The following PLEKHA5 variants were observed in gnomAD, a reference collection of about 807,000 sequenced individuals.
PLEKHA5 encodes the protein pleckstrin homology domain containing A5.
Under a neutral mutation model 181.9 loss-of-function variants are expected in PLEKHA5, and 55 were observed. That is an observed-to-expected ratio of 0.30 (90% CI 0.24 to 0.38). The LOEUF is 0.38. Ranked by LOEUF, PLEKHA5 falls within the 10% of genes least tolerant of loss-of-function variation. The pLI, the probability that PLEKHA5 is intolerant of heterozygous loss-of-function variation, is 1.00. For synonymous variants in PLEKHA5, 535 were observed against 529.4 expected (o/e 1.01, Z -0.15); for missense variants, 1,432 against 1,549.5 (o/e 0.92, Z 1.27).
At chr12:19,153,168 C>A (rs961835641) in intron 3 of PLEKHA5, 1 of 152,070 alleles carries the variant, frequency 6.6e-6, no homozygotes, top group Admixed American at 6.5e-5. Flanking sequence ...AGAATGATAT[C>A]TGATGAAGAT....
At chr12:19,283,919 T>TA (rs1346180209) in intron 12 of PLEKHA5, among the ~76,000 whole-genome samples, 174 bp downstream of exon 12, 1 of 152,210 alleles carries the variant, frequency 6.6e-6, no homozygotes, top group East Asian at 1.9e-4. Context: ...ATCTCATGTA[T>TA]AAAAAATACC....
intron 3 of PLEKHA5, among the ~76,000 whole-genome samples, chr12:19,156,916 C>T (rs1278031627): frequency 1.4e-5 from 2 of 145,208 alleles, no homozygotes; most frequent in South Asian, 4.4e-4. Flanking sequence ...AAAAAATTAG[C>T]TGGGCATGGT....
chr12:19,206,067 C>A (rs991981959), intron 3 of PLEKHA5, among the ~76,000 whole-genome samples: 1 of 151,972 alleles, frequency 6.6e-6, no homozygotes, highest in African/African-American at 2.4e-5. Flanking sequence ...ATTTAGAATT[C>A]TATCTTTATT....
At chr12:19,182,909 G>A (rs2048937714) in intron 3 of PLEKHA5, among the ~76,000 whole-genome samples, 1 of 152,140 alleles carries the variant, frequency 6.6e-6, no homozygotes. Flanking sequence ...GTCTTAAGAA[G>A]AAAATCAAAG....
chr12:19,241,522 C>T (rs975455447), intron 3 of PLEKHA5, among the ~76,000 whole-genome samples: 5 of 152,054 alleles, frequency 3.3e-5, no homozygotes, highest in African/African-American at 1.2e-4. Flanking sequence ...TATGGGAAGC[C>T]GAGGCGGGCG....
intron 20 of PLEKHA5, among the ~76,000 whole-genome samples, chr12:19,324,070 G>A (rs1410220252): frequency 6.6e-6 from 1 of 152,114 alleles, no homozygotes; most frequent in Non-Finnish European, 1.5e-5. Flanking sequence ...ATATAAAACT[G>A]CTCCCAAACC....
chr12:19,290,746 C>T lies in PLEKHA5; in HGVS notation c.1933C>T (p.His645Tyr), dbSNP rs1400966717. 1.3e-6 allele frequency: 2 copies of T among 1,536,012 alleles called. No homozygotes were observed. Among genetic ancestry groups the T allele is most frequent in the South Asian group, 1.2e-5 (1 of 84,004 alleles). ...AGCCGAACTGAGTAGTATCCGGGAG[C>T]ATACGTTAGCACAGCTCATGCAGCT... ...QQAELSSIRE[H>Y]TLAQLMQLKL... The change falls in exon 14 of 32, where the codon CAT (histidine) becomes TAT (tyrosine). Residue 645 changes from histidine (H) to tyrosine (Y), a missense_variant. Physicochemically the swap from His to Tyr is moderately conservative, Grantham distance 83. Around this residue, in one of 2 missense-constraint regions of PLEKHA5, gnomAD observed 1,143 missense variants for 1,168.4 expected, o/e 0.98. Transcript: ENST00000429027.
intron 3 of PLEKHA5, among the ~76,000 whole-genome samples, chr12:19,173,697 C>T (rs918068000): frequency 6.6e-6 from 1 of 152,216 alleles, no homozygotes; most frequent in African/African-American, 2.4e-5. Flanking sequence ...AAGAGGAATA[C>T]AGCCTAGGGG....
At chr12:19,340,880 C>T (rs1300232043) in intron 21 of PLEKHA5, among the ~76,000 whole-genome samples, 4 of 150,010 alleles carry the variant, frequency 2.7e-5, no homozygotes, top group African/African-American at 9.7e-5. Flanking sequence ...TGCTGACCTT[C>T]CCTCCACTAT....
intron 3 of PLEKHA5, among the ~76,000 whole-genome samples, chr12:19,135,661 C>T (rs1027087404): frequency 6.6e-6 from 1 of 152,070 alleles, no homozygotes; most frequent in Non-Finnish European, 1.5e-5. Flanking sequence ...TGTTTGTATA[C>T]ATATCTTCAT....
chr12:19,163,983 C>G (rs2043632793), intron 3 of PLEKHA5, among the ~76,000 whole-genome samples: 1 of 152,090 alleles, frequency 6.6e-6, no homozygotes, highest in Non-Finnish European at 1.5e-5. Flanking sequence ...AACCATTATT[C>G]TTCTCTCTCA....
At chr12:19,203,424 A>G (rs973615451) in intron 3 of PLEKHA5, among the ~76,000 whole-genome samples, 51 of 152,038 alleles carry the variant, frequency 3.4e-4, no homozygotes, top group African/African-American at 1.2e-3. Context: ...GTCACTTTCT[A>G]GTATTCGCAT....
chr12:19,235,998 A>G (rs953958385), intron 3 of PLEKHA5, among the ~76,000 whole-genome samples: 3 of 152,216 alleles, frequency 2.0e-5, no homozygotes, highest in East Asian at 3.8e-4. Context: ...ATTATCCTAC[A>G]TAGCTAAACA....
At chr12:19,280,041 T>TTG (rs2075690269) in intron 11 of PLEKHA5, among the ~76,000 whole-genome samples, 1 of 109,936 alleles carries the variant, frequency 9.1e-6, no homozygotes, top group African/African-American at 4.3e-5. Flanking sequence ...AACCTGTTTT[T>TTG]TTTTTTTTTT....
chr12:19,271,926 A>C (rs924514940), intron 10 of PLEKHA5, among the ~76,000 whole-genome samples: 1 of 152,192 alleles, frequency 6.6e-6, no homozygotes, highest in Non-Finnish European at 1.5e-5. Flanking sequence ...ATCCCACTCT[A>C]TTAGATTTAG....
chr12:19,334,829 A>AAAAAAAAAAAATATATATAT, intron 20 of PLEKHA5, among the ~76,000 whole-genome samples: 1 of 18,606 alleles, frequency 5.4e-5, no homozygotes. Context: ...AAAAAAAAAA[A>AAAAAAAAAAAATATATATAT]ATATATATAT....
intron 3 of PLEKHA5, among the ~76,000 whole-genome samples, chr12:19,226,724 G>C (rs115661450): frequency 6.6e-6 from 1 of 152,294 alleles, no homozygotes; most frequent in South Asian, 2.1e-4. Flanking sequence ...TTGGATAGTC[G>C]TAATTTTTTA....
intron 3 of PLEKHA5, chr12:19,200,243 C>A: frequency 3.1e-6 from 3 of 963,860 alleles, no homozygotes; most frequent in South Asian, 3.1e-5. Flanking sequence ...CACCCATCCC[C>A]CTTAAATATG....
chr12:19,291,424 C>A (rs1471808241), intron 14 of PLEKHA5, among the ~76,000 whole-genome samples: 1 of 152,136 alleles, frequency 6.6e-6, no homozygotes, highest in East Asian at 1.9e-4. Flanking sequence ...GTTCATTGTT[C>A]ATATGCATGT....
Sources: gnomAD v4.1 joint callset for allele counts (sites outside exome capture counted in the v4.1 genomes callset) on GRCh38, gnomAD v4.1.1 for gene constraint, gnomAD v4.1.1 regional missense constraint, MANE v1.5 for transcripts, NCBI Gene and HGNC (gene_info 2026-07-23, HGNC 2026-07-21) for gene names.